ARHGEF11: variants seen among roughly 807,000 people sequenced by gnomAD.
ARHGEF11 encodes Rho guanine exchange factor (GEF) 11.
ARHGEF11 carries 55 observed loss-of-function variants against 193.7 expected under a neutral mutation model. That is an observed-to-expected ratio of 0.28 (90% CI 0.23 to 0.36). The LOEUF is 0.36. ARHGEF11 is among the 10% of genes least tolerant of loss of function. The pLI is 1.00. For synonymous variants in ARHGEF11, 693 were observed against 768.0 expected (o/e 0.90, Z 1.62); for missense variants, 1,723 against 2,005.6 (o/e 0.86, Z 2.69).
chr1:157,035,776 G>T (rs1173207049), intron 1 of ARHGEF11, among the ~76,000 whole-genome samples: 1 of 116,764 alleles, frequency 8.6e-6, no homozygotes, highest in African/African-American at 3.2e-5. Context: ...ATATATACAG[G>T]AATATATATA....
At chr1:157,022,920 C>T (rs1176481234) in intron 1 of ARHGEF11, among the ~76,000 whole-genome samples, 1 of 152,114 alleles carries the variant, frequency 6.6e-6, no homozygotes, top group Non-Finnish European at 1.5e-5. Context: ...GTTTTTTCAA[C>T]AAATGGGGCT....
At position 156,968,137 on chromosome 1, in the gene ARHGEF11, A is replaced by G; in HGVS notation, c.826-13T>C. ...GATTCATCAATGACTAGAGAAACAAAGAATTCTGTGAGAAGGAACCTTGTC... is the reference window on the plus strand; with the variant it reads ...GATTCATCAATGACTAGAGAAACAAGGAATTCTGTGAGAAGGAACCTTGTC... On this transcript the variant is annotated splice_polypyrimidine_tract_variant and intron_variant, in intron 10 of 40. Coordinates refer to ENST00000368194, the MANE Select transcript of ARHGEF11 (RefSeq NM_198236.3). The G allele has an allele frequency of 1.3e-6, 2 of 1,598,266 alleles. No individual in the cohort carries two copies. Among genetic ancestry groups the G allele is most frequent in the Non-Finnish European group, 1.7e-6 (2 of 1,169,214 alleles).
At chr1:156,961,829 T>G (rs1660901166) in intron 13 of ARHGEF11, 54 bp from the exon 14 acceptor site, 1 of 1,546,868 alleles carries the variant, frequency 6.5e-7, no homozygotes, top group Admixed American at 1.7e-5. Context: ...GCAGTGATTT[T>G]GCCCCCTAGG....
At chr1:157,027,542 T>C (rs909382123) in intron 1 of ARHGEF11, among the ~76,000 whole-genome samples, 1 of 152,164 alleles carries the variant, frequency 6.6e-6, no homozygotes, top group Non-Finnish European at 1.5e-5. Context: ...GGAGAGTTAA[T>C]AAGGTAAGAC....
rs146431421 is a variant in ARHGEF11, at chr1:157,034,852, G to GT, written c.32+9446dup. Among the ~76,000 whole-genome samples, 949 of 152,312 alleles carry GT rather than the reference G, an allele frequency of 6.2e-3. 9 individuals carry two copies. Among genetic ancestry groups the GT allele is most frequent in the African/African-American group, 0.022 (903 of 41,558 alleles). On this transcript the variant is annotated intron_variant, in intron 1 of 40. Coordinates refer to ENST00000368194, the MANE Select transcript of ARHGEF11 (RefSeq NM_198236.3). ...GCAAATAAGATAAAGTTGAATTGCT[G>GT]TATGTATGTGCAAAAGGAATGCTGA...
At chr1:156,941,280 T>A (rs1656842168) in intron 35 of ARHGEF11, 92 bp downstream of exon 35, 1 of 1,216,368 alleles carries the variant, frequency 8.2e-7, no homozygotes, top group African/African-American at 1.5e-5. Flanking sequence ...CGGGCCCTGA[T>A]GGACTCTCCC....
Position 157,044,286 on chromosome 1 carries a change from T to G in ARHGEF11, c.32+13A>C, listed in dbSNP as rs376903953. 100 of 1,612,780 alleles carry G rather than the reference T, an allele frequency of 6.2e-5. No homozygotes were observed. The highest frequency in any genetic ancestry group is 8.1e-5 in the Non-Finnish European group (95 of 1,179,270). On this transcript the variant is annotated intron_variant, in intron 1 of 40. Coordinates refer to ENST00000368194, the MANE Select transcript of ARHGEF11 (RefSeq NM_198236.3). ...TAGTCAATGTTGAAAAATCAAATTATTAGCAAACCTACCTGTCTATACTCT... is the reference window on the plus strand; with the variant it reads ...TAGTCAATGTTGAAAAATCAAATTAGTAGCAAACCTACCTGTCTATACTCT...
At chr1:157,027,286 G>A (rs1161643949) in intron 1 of ARHGEF11, among the ~76,000 whole-genome samples, 4 of 152,222 alleles carry the variant, frequency 2.6e-5, no homozygotes, top group Admixed American at 2.6e-4. Flanking sequence ...GGATGTGGGA[G>A]GATAACTTGA....
At chr1:156,955,652 T>G in intron 20 of ARHGEF11, 51 bp downstream of exon 20, 1 of 1,426,060 alleles carries the variant, frequency 7.0e-7, no homozygotes, top group African/African-American at 1.4e-5. Context: ...ATGAAAGGGC[T>G]GAGGTCCCTG....
Position 157,022,428 on chromosome 1 carries a change from A to G in ARHGEF11, c.32+21871T>C, listed in dbSNP as rs564366985. ...TAAAAATAACAATTCCATTCACAAT[A>G]GCATTAAAGAGAATACAATACCTAG... On this transcript the variant is annotated intron_variant, in intron 1 of 40. Coordinates refer to ENST00000368194, the MANE Select transcript of ARHGEF11 (RefSeq NM_198236.3). Among the ~76,000 whole-genome samples, 313 of 152,356 alleles carry G rather than the reference A, an allele frequency of 2.1e-3. 1 individual carries two copies. Among genetic ancestry groups the G allele is most frequent in the African/African-American group, 7.2e-3 (299 of 41,592 alleles).
chr1:156,998,816 G>A (rs899343821), intron 1 of ARHGEF11, among the ~76,000 whole-genome samples: 5 of 152,086 alleles, frequency 3.3e-5, no homozygotes, highest in African/African-American at 7.2e-5. Flanking sequence ...CTTTTGTCAC[G>A]GAGTCCTCCA....
chr1:157,011,204 T>C (rs1668498608), intron 1 of ARHGEF11, among the ~76,000 whole-genome samples: 1 of 152,216 alleles, frequency 6.6e-6, no homozygotes, highest in African/African-American at 2.4e-5. Context: ...CAATTCATTT[T>C]GACAACAGTG....
At chr1:157,026,945 G>A (rs1219901587) in intron 1 of ARHGEF11, among the ~76,000 whole-genome samples, 1 of 152,204 alleles carries the variant, frequency 6.6e-6, no homozygotes, top group Non-Finnish European at 1.5e-5. Flanking sequence ...AGAGTTGGGG[G>A]TCAGTCTGAA....
At chr1:157,019,819 T>C (rs1669734895) in intron 1 of ARHGEF11, among the ~76,000 whole-genome samples, 1 of 152,036 alleles carries the variant, frequency 6.6e-6, no homozygotes, top group Non-Finnish European at 1.5e-5. Flanking sequence ...TGATCTACTG[T>C]GAGAGAAAGG....
At chr1:156,954,972 T>G in intron 20 of ARHGEF11, 51 bp from the exon 21 acceptor site, 1 of 1,505,648 alleles carries the variant, frequency 6.6e-7, no homozygotes, top group South Asian at 1.2e-5. Flanking sequence ...AGTCAATCAA[T>G]GTTTTAAGAA....
At chr1:156,954,154 C>T (rs1659550330) in intron 21 of ARHGEF11, among the ~76,000 whole-genome samples, 4 of 152,042 alleles carry the variant, frequency 2.6e-5, no homozygotes, top group South Asian at 2.1e-4. Context: ...CCAAGGCGGG[C>T]GGATCGCCCG....
At chr1:157,034,071 G>A (rs1227690172) in intron 1 of ARHGEF11, among the ~76,000 whole-genome samples, 4 of 152,218 alleles carry the variant, frequency 2.6e-5, no homozygotes, top group African/African-American at 9.6e-5. Flanking sequence ...TGGCATGAAT[G>A]TTTCCCAAAC....
At chr1:157,010,281 A>C (rs1188803183) in intron 1 of ARHGEF11, among the ~76,000 whole-genome samples, 1 of 152,218 alleles carries the variant, frequency 6.6e-6, no homozygotes, top group African/African-American at 2.4e-5. Flanking sequence ...AAGAAATAAA[A>C]GGTATCCAGA....
intron 22 of ARHGEF11, chr1:156,949,202 C>A: frequency 1.4e-6 from 1 of 733,098 alleles, no homozygotes; most frequent in Non-Finnish European, 1.7e-6. Flanking sequence ...TAGGCAGGAC[C>A]CGCTCCTTGG....
Sources: gnomAD v4.1 joint callset for allele counts (sites outside exome capture counted in the v4.1 genomes callset) on GRCh38, gnomAD v4.1.1 for gene constraint, MANE v1.5 for transcripts, NCBI Gene and HGNC (gene_info 2026-07-23, HGNC 2026-07-21) for gene names.